Variants in TENM2 observed in about 807,000 individuals in gnomAD.
The protein encoded by TENM2 is teneurin-2.
In TENM2, 52 loss-of-function variants were observed where a neutral mutation model predicts 245.2. The observed-to-expected ratio is 0.21, with a 90% CI of 0.17 to 0.27. The LOEUF (loss-of-function observed/expected upper bound fraction) is 0.27, where lower values mean the gene tolerates loss of function less well. TENM2 is among the 10% of genes least tolerant of loss of function. TENM2 has a pLI of 1.00. For synonymous variants in TENM2, 1,363 were observed against 1,438.9 expected (o/e 0.95, Z 1.19); for missense variants, 3,046 against 3,666.8 (o/e 0.83, Z 4.37).
chr5:167,285,109 A>T, intron 1 of TENM2, 46 bp downstream of exon 3: 2 of 1,428,866 alleles, frequency 1.4e-6, no homozygotes, highest in Non-Finnish European at 1.9e-6. Flanking sequence ...TGTCTAACTT[A>T]CTTGATTTAC....
intron 5 of TENM2, among the ~76,000 whole-genome samples, chr5:168,035,134 T>C (rs1399966579): frequency 2.6e-5 from 4 of 152,236 alleles, no homozygotes; most frequent in African/African-American, 9.7e-5. Flanking sequence ...TTTATGTTGA[T>C]AATATTTTGG....
the TENM2 span, among the ~76,000 whole-genome samples, chr5:167,154,852 T>C: frequency 6.6e-6 from 1 of 152,212 alleles, no homozygotes; most frequent in African/African-American, 2.4e-5. Context: ...TATAAAGTAA[T>C]TAGCAGAGTG....
chr5:167,681,861 C>T (rs1756732114), intron 2 of TENM2, among the ~76,000 whole-genome samples: 1 of 152,040 alleles, frequency 6.6e-6, no homozygotes, highest in Non-Finnish European at 1.5e-5. Context: ...CTAGATGTTA[C>T]TTCCAAATCA....
At chr5:167,468,402 A>C (rs1766805677) in intron 2 of TENM2, among the ~76,000 whole-genome samples, 1 of 152,232 alleles carries the variant, frequency 6.6e-6, no homozygotes, top group South Asian at 2.1e-4. Context: ...GAATTTTAAT[A>C]ATTAGAAATG....
chr5:167,427,751 AG>A (rs1247428201), intron 2 of TENM2, among the ~76,000 whole-genome samples: 56 of 128,296 alleles, frequency 4.4e-4, no homozygotes, highest in South Asian at 6.2e-4. Context: ...AAGGAAGGGA[AG>A]GAAGGGAAGG....
intron 2 of TENM2, among the ~76,000 whole-genome samples, chr5:167,610,592 T>C (rs1777413647): frequency 6.6e-6 from 1 of 152,196 alleles, no homozygotes; most frequent in Non-Finnish European, 1.5e-5. Context: ...TATTACTTCT[T>C]ATATCATATC....
At chr5:167,584,457 C>G (rs1775336796) in intron 2 of TENM2, among the ~76,000 whole-genome samples, 1 of 152,172 alleles carries the variant, frequency 6.6e-6, no homozygotes, top group South Asian at 2.1e-4. Flanking sequence ...GGCCCATGAC[C>G]AGTCTGATTG....
chr5:167,479,002 G>GTT (rs1368119015), intron 2 of TENM2, among the ~76,000 whole-genome samples: 1 of 151,914 alleles, frequency 6.6e-6, no homozygotes, highest in Non-Finnish European at 1.5e-5. Flanking sequence ...GTGTGTGTGT[G>GTT]TGTATACAGG....
chr5:167,878,500 G>C (rs575967915), intron 3 of TENM2, among the ~76,000 whole-genome samples: 1 of 152,076 alleles, frequency 6.6e-6, no homozygotes, highest in Non-Finnish European at 1.5e-5. Flanking sequence ...TCAACAGGCA[G>C]TCATTAGAAA....
intron 2 of TENM2, among the ~76,000 whole-genome samples, chr5:167,703,987 G>A (rs1758337248): frequency 6.6e-6 from 1 of 152,180 alleles, no homozygotes; most frequent in Non-Finnish European, 1.5e-5. Context: ...AGAGGAACAA[G>A]GAAGGAATCA....
chr5:167,041,553 T>C, the TENM2 span, among the ~76,000 whole-genome samples: 242 of 152,258 alleles, frequency 1.6e-3, no homozygotes, highest in Non-Finnish European at 2.7e-3. Flanking sequence ...AGCAGAAACA[T>C]CAAAATGTTG....
At chr5:167,865,912 T>G (rs1772279389) in intron 2 of TENM2, among the ~76,000 whole-genome samples, 1 of 152,246 alleles carries the variant, frequency 6.6e-6, no homozygotes, top group African/African-American at 2.4e-5. Context: ...TATACATCCA[T>G]ACATGTTGGT....
chr5:167,616,973 C>A (rs1462688028), intron 2 of TENM2, among the ~76,000 whole-genome samples: 1 of 152,042 alleles, frequency 6.6e-6, no homozygotes, highest in East Asian at 1.9e-4. Flanking sequence ...TACCTCTCTC[C>A]CTTGTGCCTA....
At chr5:168,017,065 GT>G (rs1185695191) in intron 5 of TENM2, among the ~76,000 whole-genome samples, 1 of 152,218 alleles carries the variant, frequency 6.6e-6, no homozygotes, top group Non-Finnish European at 1.5e-5. Context: ...GCACTGACCA[GT>G]TAGCAGCCTC....
chr5:167,430,476 AT>A (rs913228690), intron 2 of TENM2, among the ~76,000 whole-genome samples: 4 of 152,002 alleles, frequency 2.6e-5, no homozygotes, highest in African/African-American at 9.7e-5. Context: ...AATATCTGAA[AT>A]TTTTGACAAT....
chr5:167,370,437 A>G (rs1157976224), intron 1 of TENM2, among the ~76,000 whole-genome samples: 2 of 151,686 alleles, frequency 1.3e-5, no homozygotes, highest in Admixed American at 6.6e-5. Flanking sequence ...AACGTCCAAG[A>G]TATTTATCAA....
chr5:167,953,762 G>C (rs1780307124), intron 4 of TENM2, among the ~76,000 whole-genome samples: 1 of 152,188 alleles, frequency 6.6e-6, no homozygotes, highest in Non-Finnish European at 1.5e-5. Context: ...ACTTAGGTTT[G>C]AGGAAAGACA....
At chr5:168,096,127 ACTATCG>A (rs1300614026) in intron 8 of TENM2, among the ~76,000 whole-genome samples, 1 of 152,212 alleles carries the variant, frequency 6.6e-6, no homozygotes, top group Non-Finnish European at 1.5e-5. Flanking sequence ...GGAGAGAGAC[ACTATCG>A]CTGTCTCCCA....
At chr5:167,454,444 A>G (rs991295896) in intron 2 of TENM2, among the ~76,000 whole-genome samples, 14 of 92,210 alleles carry the variant, frequency 1.5e-4, no homozygotes, top group African/African-American at 5.1e-4. Context: ...TAATGGCACT[A>G]GAAATAACTG....
Sources: gnomAD v4.1 joint callset for allele counts (sites outside exome capture counted in the v4.1 genomes callset) on GRCh38, gnomAD v4.1.1 for gene constraint, MANE v1.5 for transcripts, NCBI Gene and HGNC (gene_info 2026-07-23, HGNC 2026-07-21) for gene names.